HMGXB4: variants seen among roughly 807,000 people sequenced by gnomAD.
HMGXB4 encodes HMG-box containing 4.
A neutral mutation model predicts 63.9 loss-of-function variants in HMGXB4; 27 were observed. The ratio of observed to expected loss-of-function variants is 0.42; its 90% CI spans 0.31 to 0.58. The LOEUF (loss-of-function observed/expected upper bound fraction) is 0.58. HMGXB4 is among the 20% of genes least tolerant of loss of function. The pLI is 0.13. For synonymous variants in HMGXB4, 264 were observed against 265.3 expected (o/e 0.99, Z 0.05); for missense variants, 624 against 700.7 (o/e 0.89, Z 1.24).
the HMGXB4 span, among the ~76,000 whole-genome samples, chr22:35,245,999 G>A: frequency 1.3e-5 from 2 of 152,246 alleles, no homozygotes; most frequent in East Asian, 1.9e-4. Context: ...GAACAGGGAG[G>A]GGTGGCTAAT....
intron 3 of HMGXB4, among the ~76,000 whole-genome samples, 170 bp from the exon 4 acceptor site, chr22:35,263,626 G>A (rs1454365375): frequency 1.3e-5 from 2 of 152,120 alleles, no homozygotes; most frequent in Non-Finnish European, 2.9e-5. Flanking sequence ...ATTTGAAGAA[G>A]GAAGTATTTT....
chr22:35,246,858 C>T, the HMGXB4 span, among the ~76,000 whole-genome samples: 6 of 152,220 alleles, frequency 3.9e-5, no homozygotes, highest in Non-Finnish European at 7.3e-5. Flanking sequence ...GAAGCACATC[C>T]ACGCCATCTT....
intron 5 of HMGXB4, among the ~76,000 whole-genome samples, chr22:35,277,380 C>G (rs1178170941): frequency 6.6e-6 from 1 of 152,174 alleles, no homozygotes; most frequent in African/African-American, 2.4e-5. Context: ...GACACTTTTA[C>G]TCATGTTGCC....
chr22:35,263,162 A>T lies in HMGXB4; in HGVS notation c.116A>T (p.Asp39Val). 3 of 1,614,046 alleles carry T rather than the reference A, an allele frequency of 1.9e-6. No individual in the cohort carries two copies. The highest frequency in any genetic ancestry group is 2.5e-6 in the Non-Finnish European group (3 of 1,179,920). Residue 39 changes from aspartate (D) to valine (V), a missense_variant, in exon 3 of 11, where the codon GAT becomes GTT. This residue lies in a region of HMGXB4 where 472 missense variants were observed against 470.6 expected (regional missense o/e 1.00). Transcript: ENST00000216106. The stretch of plus-strand genomic sequence containing the variant: ...CGAGAGAAAAAACGTTCTTACAAAG[A>T]TTTTTTAAGGGAAGAGGAAGAAATT... The part of the protein sequence containing the change: ...SQREKKRSYK[D>V]FLREEEEIAA...
chr22:35,274,911 A>G (rs188735882), intron 5 of HMGXB4, among the ~76,000 whole-genome samples: 384 of 152,138 alleles, frequency 2.5e-3, no homozygotes, highest in Non-Finnish European at 4.2e-3. Flanking sequence ...TTACAAGTCC[A>G]GGCTCCAAAG....
the HMGXB4 span, among the ~76,000 whole-genome samples, chr22:35,244,586 C>T: frequency 6.6e-6 from 1 of 152,184 alleles, no homozygotes; most frequent in Admixed American, 6.5e-5. Context: ...TTATACTGGT[C>T]CAAACAAGCA....
At chr22:35,282,026 C>A (rs980038751) in intron 5 of HMGXB4, among the ~76,000 whole-genome samples, 1 of 152,144 alleles carries the variant, frequency 6.6e-6, no homozygotes, top group African/African-American at 2.4e-5. Context: ...GGCAGCTAGG[C>A]AGAGTGCACG....
the HMGXB4 span, among the ~76,000 whole-genome samples, chr22:35,247,370 A>G: frequency 6.6e-6 from 1 of 152,146 alleles, no homozygotes; most frequent in South Asian, 2.1e-4. Context: ...AGCTACAGAG[A>G]TTGTTCCCTC....
chr22:35,288,548 T>TC (rs1924733974), intron 9 of HMGXB4, 141 bp downstream of exon 9: 1 of 506,686 alleles, frequency 2.0e-6, no homozygotes, highest in South Asian at 5.3e-5. Context: ...TGGCGTAACA[T>TC]AGAAGATATA....
chr22:35,254,524 G>C (rs1922310542), upstream of HMGXB4, among the ~76,000 whole-genome samples: 1 of 152,156 alleles, frequency 6.6e-6, no homozygotes, highest in African/African-American at 2.4e-5. Flanking sequence ...TAAAGAACAA[G>C]CTGTTCCTAC....
Position 35,265,528 on chromosome 22 carries a change from C to A in HMGXB4, c.1140C>A (p.Gly380=). 7 of 1,613,398 alleles carry A rather than the reference C, an allele frequency of 4.3e-6. No individual in the cohort carries two copies. The highest frequency in any genetic ancestry group is 5.9e-6 in the Non-Finnish European group (7 of 1,179,904). ...GAAAPPLPLP[G]LHTDGHSEKK... Reference sequence around the variant, plus strand: ...CAGCACCTCCCCTGCCACTTCCTGGCCTCCACACAGATGGGCATAGTGAAA... The same window carrying A: ...CAGCACCTCCCCTGCCACTTCCTGGACTCCACACAGATGGGCATAGTGAAA... The change falls in exon 5 of 11, where the codon GGC becomes GGA. Residue 380 remains glycine, a synonymous_variant. Transcript: ENST00000216106.
upstream of HMGXB4, among the ~76,000 whole-genome samples, chr22:35,255,575 T>C (rs1922359980): frequency 1.3e-5 from 2 of 152,184 alleles, no homozygotes; most frequent in Admixed American, 6.5e-5. Flanking sequence ...ATGATGAAGC[T>C]TGGAGCTGCT....
Position 35,260,307 on chromosome 22 carries a change from T to C in HMGXB4, c.-68-2016T>C, listed in dbSNP as rs946931860. Reference sequence around the variant, plus strand: ...CCATTGGTTCTTGGCATTATCAGCCTATGAAAATCTATATAATCTATATAT... The same window carrying C: ...CCATTGGTTCTTGGCATTATCAGCCCATGAAAATCTATATAATCTATATAT... On this transcript the variant is annotated intron_variant, in intron 1 of 10. Transcript: ENST00000216106. Among the ~76,000 whole-genome samples, 5 of 152,284 alleles carry C rather than the reference T, an allele frequency of 3.3e-5. No individual in the cohort carries two copies. In the East Asian group the frequency reaches 9.6e-4, roughly 29 times the overall value.
chr22:35,285,891 TA>T, intron 6 of HMGXB4, 105 bp from the exon 7 acceptor site: 1 of 787,932 alleles, frequency 1.3e-6, no homozygotes. Context: ...TTGCAACATT[TA>T]AATATGAGCT....
At chr22:35,242,629 AT>A in the HMGXB4 span, among the ~76,000 whole-genome samples, 1 of 149,284 alleles carries the variant, frequency 6.7e-6, no homozygotes, top group Non-Finnish European at 1.5e-5. Flanking sequence ...AGCTTCACTG[AT>A]TTTGCCTCTT....
intron 5 of HMGXB4, among the ~76,000 whole-genome samples, chr22:35,276,506 A>G (rs1923922451): frequency 1.3e-5 from 2 of 152,206 alleles, no homozygotes; most frequent in Non-Finnish European, 1.5e-5. Context: ...TTAGAGTGGA[A>G]TGAGTGGCAG....
In HMGXB4 at chr22:35,264,633, C is replaced by T. The variant is rs1207238510; in HGVS notation, c.260-15C>T. On this transcript the variant is annotated splice_polypyrimidine_tract_variant and intron_variant, in intron 4 of 10. Transcript: ENST00000216106. Reference sequence around the variant, plus strand: ...TTCCCATCATATTGACAGTACTTCTCTTGATTATTTCTAGATATTTCGTCT... The same window carrying T: ...TTCCCATCATATTGACAGTACTTCTTTTGATTATTTCTAGATATTTCGTCT... The T allele has an allele frequency of 4.6e-6, 7 of 1,535,038 alleles. No homozygotes were observed. The African/African-American group carries it at 9.7e-5, about 21-fold the overall frequency.
Position 35,263,194 on chromosome 22 carries a change from C to T in HMGXB4, c.148C>T (p.Gln50Ter), listed in dbSNP as rs1435796657. Reference sequence around the variant, plus strand: ...AAGGGAAGAGGAAGAAATTGCTGCTCAGGTCAGGAATTCTTCCAAGAAGAA... The same window carrying T: ...AAGGGAAGAGGAAGAAATTGCTGCTTAGGTCAGGAATTCTTCCAAGAAGAA... ...FLREEEEIAA[Q>*]VRNSSKKKLK... Residue 50 changes from glutamine (Q) to a stop codon, truncating the protein, a stop_gained, in exon 3 of 11, where the codon CAG becomes TAG. Transcript: ENST00000216106. LOFTEE classifies it high-confidence loss of function. 1 of 1,613,642 alleles carries T rather than the reference C, an allele frequency of 6.2e-7. No homozygotes were observed.
At chr22:35,242,282 A>G in the HMGXB4 span, among the ~76,000 whole-genome samples, 1 of 152,188 alleles carries the variant, frequency 6.6e-6, no homozygotes, top group Non-Finnish European at 1.5e-5. Context: ...TGTTTTTTGA[A>G]GAATTGATCC....
Sources: gnomAD v4.1 joint callset for allele counts (sites outside exome capture counted in the v4.1 genomes callset) on GRCh38, gnomAD v4.1.1 for gene constraint, gnomAD v4.1.1 regional missense constraint, MANE v1.5 for transcripts, NCBI Gene and HGNC (gene_info 2026-07-23, HGNC 2026-07-21) for gene names.